The following SLC35F1 variants were observed in gnomAD, a reference collection of about 807,000 sequenced individuals.
SLC35F1 encodes chromosome 6 open reading frame 169.
In SLC35F1, 14 loss-of-function variants were observed where a neutral mutation model predicts 48.7. The observed-to-expected ratio is 0.29, with a 90% CI of 0.19 to 0.45. SLC35F1 has a LOEUF of 0.45. SLC35F1 is among the 20% of genes least tolerant of loss of function. SLC35F1 has a pLI of 1.00. For synonymous variants in SLC35F1, 190 were observed against 202.2 expected, an observed-to-expected ratio of 0.94 and a Z score of 0.51; for missense variants, 404 against 500.0, an observed-to-expected ratio of 0.81 and a Z score of 1.83.
At chr6:118,071,202 T>G (rs1582649972) in intron 1 of SLC35F1, among the ~76,000 whole-genome samples, 1 of 145,424 alleles carries the variant, frequency 6.9e-6, no homozygotes, top group African/African-American at 2.5e-5. Flanking sequence ...ACACACATAG[T>G]ATATATATAT....
intron 4 of SLC35F1, among the ~76,000 whole-genome samples, chr6:118,270,390 A>G (rs758916442): frequency 6.6e-6 from 1 of 152,158 alleles, no homozygotes; most frequent in Non-Finnish European, 1.5e-5. Context: ...CTTTTGATGA[A>G]ACTTGACCAG....
At chr6:118,211,913 A>G (rs1274033779) in intron 2 of SLC35F1, among the ~76,000 whole-genome samples, 1 of 152,224 alleles carries the variant, frequency 6.6e-6, no homozygotes, top group African/African-American at 2.4e-5. Context: ...GATAATAAAA[A>G]TGCTATCATG....
rs575542017 is a variant in SLC35F1, at chr6:118,178,377, A to G, written c.349+23757A>G. ...CAGCTGTTTTTTTGAAAGAGTTTTC[A>G]TATCCTTTTTACTTTTGTATTCAAT... On this transcript the variant is annotated intron_variant, in intron 2 of 7. Coordinates refer to ENST00000360388, the MANE Select transcript of SLC35F1 (RefSeq NM_001029858.4). Among the ~76,000 whole-genome samples the G allele has an allele frequency of 9.2e-5, 14 of 152,168 alleles. No individual in the cohort carries two copies. The South Asian group carries it at 2.3e-3, about 25-fold the overall frequency.
At chr6:118,305,317 A>G (rs12212582) in intron 7 of SLC35F1, among the ~76,000 whole-genome samples, 88,898 of 150,908 alleles carry the variant, frequency 0.59, 26,813 homozygotes, top group African/African-American at 0.69. Flanking sequence ...CATTATGGAA[A>G]GTGATCTGTT....
chr6:118,247,076 T>C (rs1775516826), intron 3 of SLC35F1, among the ~76,000 whole-genome samples: 1 of 152,226 alleles, frequency 6.6e-6, no homozygotes, highest in Non-Finnish European at 1.5e-5. Context: ...ATCTGTTCTT[T>C]CCATCAATCC....
chr6:117,951,247 G>C (rs1007678880), intron 1 of SLC35F1, among the ~76,000 whole-genome samples: 1 of 152,138 alleles, frequency 6.6e-6, no homozygotes, highest in Non-Finnish European at 1.5e-5. Flanking sequence ...AAAAGGAAGG[G>C]CTTAATCTGT....
chr6:118,057,044 C>G (rs1019642400), intron 1 of SLC35F1, among the ~76,000 whole-genome samples: 7 of 152,016 alleles, frequency 4.6e-5, no homozygotes, highest in African/African-American at 1.7e-4. Context: ...ATTTAGTTCT[C>G]CACATATAGA....
chr6:118,019,561 G>A (rs1777366981), intron 1 of SLC35F1, among the ~76,000 whole-genome samples: 1 of 152,100 alleles, frequency 6.6e-6, no homozygotes, highest in South Asian at 2.1e-4. Context: ...GGCAGAGGGT[G>A]CAGTGAGCCA....
At chr6:117,989,336 T>C (rs1446075161) in intron 1 of SLC35F1, among the ~76,000 whole-genome samples, 1 of 152,250 alleles carries the variant, frequency 6.6e-6, no homozygotes, top group Non-Finnish European at 1.5e-5. Flanking sequence ...GCATGCACTG[T>C]GCTTTCTGGA....
intron 4 of SLC35F1, among the ~76,000 whole-genome samples, chr6:118,272,082 A>T (rs758444990): frequency 7.2e-5 from 11 of 152,206 alleles, no homozygotes; most frequent in Non-Finnish European, 1.2e-4. Flanking sequence ...ATGTATTAAG[A>T]CTTGTTCAGT....
chr6:118,053,726 T>G (rs1011265953), intron 1 of SLC35F1, among the ~76,000 whole-genome samples: 7 of 152,182 alleles, frequency 4.6e-5, no homozygotes, highest in Non-Finnish European at 1.0e-4. Flanking sequence ...TACTTAAACA[T>G]TTCCCTCTTT....
At chr6:118,264,618 A>C (rs993174557) in intron 3 of SLC35F1, among the ~76,000 whole-genome samples, 1 of 152,224 alleles carries the variant, frequency 6.6e-6, no homozygotes, top group Non-Finnish European at 1.5e-5. Context: ...CAAAGATTGG[A>C]CCATGGCCTA....
At chr6:118,310,954 T>A (rs1402736728) in intron 7 of SLC35F1, among the ~76,000 whole-genome samples, 1 of 152,182 alleles carries the variant, frequency 6.6e-6, no homozygotes, top group Non-Finnish European at 1.5e-5. Context: ...AAGTCTAAAA[T>A]CATAAATGGA....
chr6:118,074,958 T>G (rs551191534), intron 1 of SLC35F1, among the ~76,000 whole-genome samples: 1 of 152,332 alleles, frequency 6.6e-6, no homozygotes, highest in African/African-American at 2.4e-5. Context: ...CACATAGATT[T>G]AAAAAGTAAA....
intron 1 of SLC35F1, among the ~76,000 whole-genome samples, chr6:117,960,676 G>A (rs1776486558): frequency 6.6e-6 from 1 of 152,138 alleles, no homozygotes; most frequent in Non-Finnish European, 1.5e-5. Context: ...TATGAATGAA[G>A]TGTATTCTCT....
intron 1 of SLC35F1, among the ~76,000 whole-genome samples, chr6:118,021,599 G>C (rs976362728): frequency 2.0e-5 from 3 of 152,144 alleles, no homozygotes; most frequent in African/African-American, 7.2e-5. Context: ...GCTAAGGATG[G>C]TTAGTGTCTG....
At chr6:118,065,981 C>T (rs1005479733) in intron 1 of SLC35F1, among the ~76,000 whole-genome samples, 3 of 152,096 alleles carry the variant, frequency 2.0e-5, no homozygotes, top group Non-Finnish European at 2.9e-5. Context: ...GCTACCAAAA[C>T]ATCATTCTTA....
rs187761400 is a variant in SLC35F1 at position 118,290,155 on chromosome 6, A to T, written c.1002+4817A>T. 3.3e-5 allele frequency among the ~76,000 whole-genome samples: 5 copies of T among 152,316 alleles called. No homozygotes were observed. In the East Asian group the frequency reaches 7.7e-4, roughly 23 times the overall value. ...GGTGTTATCTCTTTTTGGCTATTAG[A>T]AATAATCTGGAAAATTAGCTTCTAA... On this transcript the variant is annotated intron_variant, in intron 7 of 7. Coordinates refer to ENST00000360388, the MANE Select transcript of SLC35F1 (RefSeq NM_001029858.4).
chr6:118,241,987 G>T (rs1775446965), intron 3 of SLC35F1, among the ~76,000 whole-genome samples: 1 of 152,144 alleles, frequency 6.6e-6, no homozygotes, highest in Non-Finnish European at 1.5e-5. Flanking sequence ...AAAGACATTT[G>T]TGTTGTGTCC....
Sources: allele counts gnomAD v4.1 joint callset (sites outside exome capture counted in the v4.1 genomes callset), GRCh38; gene constraint gnomAD v4.1.1; transcripts MANE v1.5; gene names NCBI Gene and HGNC (gene_info 2026-07-23, HGNC 2026-07-21).